The following NR5A2 variants were observed in gnomAD, a reference collection of about 807,000 sequenced individuals.
NR5A2 encodes CYP7A promoter-binding factor.
In NR5A2, 26 loss-of-function variants were observed where a neutral mutation model predicts 62.7. The observed-to-expected ratio is 0.41, with a 90% confidence interval of 0.30 to 0.58. The LOEUF is 0.58. Among genes scored for constraint, NR5A2 ranks in the 20% least tolerant of loss-of-function variants. The pLI is 0.22. For synonymous variants in NR5A2, 246 were observed against 241.7 expected, an observed-to-expected ratio of 1.02 and a Z score of -0.16; for missense variants, 541 against 669.1, an observed-to-expected ratio of 0.81 and a Z score of 2.11.
chr1:200,077,333 C>A (rs576670747), intron 5 of NR5A2, among the ~76,000 whole-genome samples: 26 of 152,286 alleles, frequency 1.7e-4, no homozygotes, highest in African/African-American at 6.3e-4. Flanking sequence ...GAAGCAAATT[C>A]CGGAGTTTCA....
chr1:200,117,914 A>G (rs12138239), intron 6 of NR5A2, among the ~76,000 whole-genome samples: 36,961 of 150,984 alleles, frequency 0.24, 5,021 homozygotes, highest in Admixed American at 0.32. Context: ...GGGTTTCACC[A>G]TGTTGGCCAG....
chr1:200,062,588 G>A (rs2821384), intron 5 of NR5A2, among the ~76,000 whole-genome samples: 2,833 of 152,288 alleles, frequency 0.019, 82 homozygotes, highest in African/African-American at 0.063. Context: ...AAAGTTTTCC[G>A]TTGAGTGATG....
intron 7 of NR5A2, chr1:200,148,286 C>A: frequency 5.1e-6 from 1 of 195,248 alleles, no homozygotes; most frequent in South Asian, 1.3e-4. Flanking sequence ...CCATGGCTCT[C>A]CTGTTCTTGG....
intron 7 of NR5A2, among the ~76,000 whole-genome samples, chr1:200,150,973 G>T (rs545574072): frequency 6.6e-6 from 1 of 152,204 alleles, no homozygotes; most frequent in Admixed American, 6.5e-5. Context: ...GAAGGTAGTT[G>T]ATTTTTTGGT....
At chr1:200,172,355 T>C (rs1654221818) in intron 7 of NR5A2, among the ~76,000 whole-genome samples, 1 of 152,228 alleles carries the variant, frequency 6.6e-6, no homozygotes, top group African/African-American at 2.4e-5. Flanking sequence ...CTTTACTAAC[T>C]GTAAAGTGCC....
chr1:200,043,666 T>G (rs1662224349), intron 2 of NR5A2, 108 bp from the exon 3 acceptor site: 1 of 619,582 alleles, frequency 1.6e-6, no homozygotes, highest in Admixed American at 3.2e-5. Flanking sequence ...ATTTTATATT[T>G]TACCATGTGA....
At chr1:200,098,148 A>G (rs1480609832) in intron 5 of NR5A2, among the ~76,000 whole-genome samples, 2 of 152,160 alleles carry the variant, frequency 1.3e-5, no homozygotes, top group East Asian at 1.9e-4. Context: ...GCTGTAAGCA[A>G]TTGTAAGAGG....
At chr1:200,052,777 G>A (rs990579812) in intron 5 of NR5A2, among the ~76,000 whole-genome samples, 30 of 152,032 alleles carry the variant, frequency 2.0e-4, no homozygotes, top group African/African-American at 6.5e-4. Flanking sequence ...GAGTAGCTGG[G>A]ACTACAGGTG....
At chr1:200,038,824 G>A (rs1329987997) in intron 1 of NR5A2, 1 of 1,193,202 alleles carries the variant, frequency 8.4e-7, no homozygotes, top group Non-Finnish European at 1.1e-6. Flanking sequence ...GGTGGGGTGG[G>A]AGGGGGTGAG....
chr1:200,165,330 C>T (rs910164627), intron 7 of NR5A2, among the ~76,000 whole-genome samples: 6 of 152,110 alleles, frequency 3.9e-5, no homozygotes, highest in Non-Finnish European at 7.3e-5. Flanking sequence ...CAATGAATGC[C>T]GCTACATTGA....
chr1:200,147,024 A>G lies in NR5A2; in HGVS notation c.1378+26069A>G, dbSNP rs185932424. Among the ~76,000 whole-genome samples, 1 of 152,108 alleles carries G rather than the reference A, an allele frequency of 6.6e-6. No homozygotes were observed. Among genetic ancestry groups the G allele is most frequent in the Non-Finnish European group, 1.5e-5 (1 of 68,006 alleles). ...TGAAACCAATAAAAGAGTTGAACAC[A>G]GCAAAACTTGGAACAACAAGGAATT... On this transcript the variant is annotated intron_variant, in intron 7 of 7. Transcript: ENST00000367362. The surrounding 1 kb of genome is among the most constrained non-coding windows in gnomAD (Gnocchi z 4.9).
chr1:200,138,451 A>T (rs1277337282), intron 7 of NR5A2, among the ~76,000 whole-genome samples: 3 of 152,144 alleles, frequency 2.0e-5, no homozygotes, highest in Non-Finnish European at 2.9e-5. Context: ...TTTTCCATAT[A>T]ATTTTTGCTT....
At chr1:200,046,985 A>C (rs115582861) in intron 4 of NR5A2, among the ~76,000 whole-genome samples, 1 of 152,094 alleles carries the variant, frequency 6.6e-6, no homozygotes, top group Non-Finnish European at 1.5e-5. Flanking sequence ...CAGATGAAAA[A>C]CTCTTTATAA....
intron 1 of NR5A2, chr1:200,029,153 G>T (rs112399233): frequency 0.076 from 31,600 of 417,352 alleles, 1,500 homozygotes; most frequent in Non-Finnish European, 0.1. Flanking sequence ...GCAGCTCCGC[G>T]CAGCTCCGGT....
intron 1 of NR5A2, among the ~76,000 whole-genome samples, chr1:200,032,767 G>A (rs185788800): frequency 6.2e-4 from 93 of 151,186 alleles, no homozygotes; most frequent in African/African-American, 2.2e-3. Context: ...ATTAAAAAAT[G>A]GAATCAGAGG....
intron 5 of NR5A2, among the ~76,000 whole-genome samples, chr1:200,073,270 A>T (rs1205093431): frequency 3.2e-5 from 1 of 31,352 alleles, no homozygotes; most frequent in Non-Finnish European, 6.0e-5. Flanking sequence ...ATTCCCCTTT[A>T]TATATATATA....
intron 7 of NR5A2, among the ~76,000 whole-genome samples, chr1:200,153,143 G>A (rs1276041711): frequency 1.3e-5 from 2 of 152,194 alleles, no homozygotes; most frequent in Admixed American, 6.5e-5. Flanking sequence ...CTTATATGCA[G>A]TAGTACTTAT....
At chr1:200,040,741 G>T (rs116610177) in intron 2 of NR5A2, among the ~76,000 whole-genome samples, 1,567 of 152,338 alleles carry the variant, frequency 0.01, 13 homozygotes, top group Non-Finnish European at 0.016. Context: ...AACTTGAAAG[G>T]ACTGGGAGGT....
intron 7 of NR5A2, among the ~76,000 whole-genome samples, chr1:200,172,848 C>T (rs185547325): frequency 6.6e-6 from 1 of 152,196 alleles, no homozygotes; most frequent in African/African-American, 2.4e-5. Context: ...TGGTTTTCTC[C>T]ATATTCTCTT....
Sources: allele counts gnomAD v4.1 joint callset (sites outside exome capture counted in the v4.1 genomes callset), GRCh38; gene constraint gnomAD v4.1.1; non-coding constraint Gnocchi (gnomAD v3.1); transcripts MANE v1.5; gene names NCBI Gene and HGNC (gene_info 2026-07-23, HGNC 2026-07-21).